The following CENPW variants were observed in gnomAD, a reference collection of about 807,000 sequenced individuals.
CENPW encodes the protein centromere protein W.
In CENPW, 3 loss-of-function variants were observed where a neutral mutation model predicts 11.1. That is an observed-to-expected ratio of 0.27 (90% CI 0.12 to 0.70). The LOEUF (loss-of-function observed/expected upper bound fraction) is 0.70, where lower values mean the gene tolerates loss of function less well. Among genes scored for constraint, CENPW ranks in the 30% least tolerant of loss-of-function variants. The probability of loss-of-function intolerance (pLI) is 0.77; values close to 1 mark genes in which losing one functional copy is unlikely to be tolerated. For missense variants in CENPW, 100 were observed against 105.6 expected, an observed-to-expected ratio of 0.95 and a Z score of 0.23; for synonymous variants, 38 against 42.0, an observed-to-expected ratio of 0.91 and a Z score of 0.37.
chr6:126,461,705 A>G, the CENPW span, among the ~76,000 whole-genome samples: 2 of 152,068 alleles, frequency 1.3e-5, no homozygotes, highest in East Asian at 1.9e-4. Flanking sequence ...CACATTTTCT[A>G]TTATGTAAGG....
intron 2 of CENPW, among the ~76,000 whole-genome samples, chr6:126,347,555 G>T (rs1406554053): frequency 6.6e-6 from 1 of 152,044 alleles, no homozygotes; most frequent in African/African-American, 2.4e-5. Context: ...GTAGGACAGA[G>T]AAGTACTAGT....
chr6:126,381,666 G>A, the CENPW span, among the ~76,000 whole-genome samples: 1 of 152,104 alleles, frequency 6.6e-6, no homozygotes, highest in East Asian at 1.9e-4. Flanking sequence ...TTGCCGCACT[G>A]CTGCTGCTGC....
chr6:126,407,903 G>T, the CENPW span, among the ~76,000 whole-genome samples: 2 of 151,932 alleles, frequency 1.3e-5, no homozygotes, highest in African/African-American at 4.8e-5. Flanking sequence ...CTTATGATAG[G>T]TTTTTTGCTA....
chr6:126,415,688 C>G, the CENPW span, among the ~76,000 whole-genome samples: 1 of 152,134 alleles, frequency 6.6e-6, no homozygotes, highest in Non-Finnish European at 1.5e-5. Context: ...GTGAACAAGT[C>G]TCACAAGATC....
the CENPW span, among the ~76,000 whole-genome samples, chr6:126,390,945 T>G: frequency 6.6e-6 from 1 of 151,968 alleles, no homozygotes; most frequent in South Asian, 2.1e-4. Flanking sequence ...GGAGTGAAGA[T>G]ATCTCTTCAA....
At chr6:126,379,807 G>A in the CENPW span, among the ~76,000 whole-genome samples, 11 of 152,230 alleles carry the variant, frequency 7.2e-5, no homozygotes, top group African/African-American at 2.2e-4. Flanking sequence ...AAAATCAAAC[G>A]AATTAAAGTA....
chr6:126,415,183 G>A, the CENPW span, among the ~76,000 whole-genome samples: 1 of 151,446 alleles, frequency 6.6e-6, no homozygotes, highest in Non-Finnish European at 1.5e-5. Flanking sequence ...AAGGGGTTGA[G>A]TATTCATTAT....
chr6:126,408,832 TC>T, the CENPW span, among the ~76,000 whole-genome samples: 4 of 152,132 alleles, frequency 2.6e-5, no homozygotes, highest in Non-Finnish European at 4.4e-5. Context: ...TTTTTTTGTT[TC>T]TAATTTATTT....
chr6:126,418,978 G>A, the CENPW span, among the ~76,000 whole-genome samples: 1 of 151,824 alleles, frequency 6.6e-6, no homozygotes, highest in Non-Finnish European at 1.5e-5. Flanking sequence ...TATACTTAAT[G>A]TAAATGATGA....
chr6:126,437,736 G>T, the CENPW span, among the ~76,000 whole-genome samples: 2 of 151,538 alleles, frequency 1.3e-5, no homozygotes, highest in East Asian at 3.9e-4. Context: ...TTTTGGTTTT[G>T]TTCTACTCTC....
chr6:126,468,965 GC>G, the CENPW span, among the ~76,000 whole-genome samples: 2 of 151,996 alleles, frequency 1.3e-5, no homozygotes, highest in African/African-American at 4.8e-5. Flanking sequence ...ACCACGCCTG[GC>G]TAATTTTTGT....
the CENPW span, among the ~76,000 whole-genome samples, chr6:126,472,687 A>C: frequency 1.3e-5 from 2 of 152,194 alleles, no homozygotes; most frequent in Non-Finnish European, 2.9e-5. Flanking sequence ...AGTAGACTAT[A>C]TGGTAAGTGC....
the CENPW span, among the ~76,000 whole-genome samples, chr6:126,377,421 A>G: frequency 2.6e-5 from 4 of 152,236 alleles, no homozygotes; most frequent in Non-Finnish European, 4.4e-5. Context: ...TTGGCAAAAT[A>G]TAGTGGCAGA....
the CENPW span, among the ~76,000 whole-genome samples, chr6:126,403,110 T>G: frequency 6.6e-6 from 1 of 152,088 alleles, no homozygotes; most frequent in Non-Finnish European, 1.5e-5. Flanking sequence ...AGATGACAAA[T>G]TTAATAAATA....
chr6:126,457,101 T>C, the CENPW span, among the ~76,000 whole-genome samples: 1 of 151,516 alleles, frequency 6.6e-6, no homozygotes, highest in Non-Finnish European at 1.5e-5. Context: ...GGTGGTAATG[T>C]AAATTAGTTC....
chr6:126,369,604 G>A, the CENPW span, among the ~76,000 whole-genome samples: 1 of 152,106 alleles, frequency 6.6e-6, no homozygotes, highest in Admixed American at 6.5e-5. Context: ...CATGTCCTTA[G>A]CCCACTTTTT....
chr6:126,385,699 A>G, the CENPW span, among the ~76,000 whole-genome samples: 2 of 152,036 alleles, frequency 1.3e-5, no homozygotes, highest in African/African-American at 4.8e-5. Flanking sequence ...TTCTTATGAG[A>G]TCTGACAGTT....
At chr6:126,374,765 A>G in the CENPW span, among the ~76,000 whole-genome samples, 2 of 152,222 alleles carry the variant, frequency 1.3e-5, no homozygotes, top group African/African-American at 4.8e-5. Flanking sequence ...AGTATATAAT[A>G]AATAATTCCA....
the CENPW span, among the ~76,000 whole-genome samples, chr6:126,370,579 T>A: frequency 6.6e-6 from 1 of 152,178 alleles, no homozygotes; most frequent in Non-Finnish European, 1.5e-5. Flanking sequence ...CATGTTGGTG[T>A]GTAGCAGAGC....
Sources: gnomAD v4.1 joint callset for allele counts (sites outside exome capture counted in the v4.1 genomes callset) on GRCh38, gnomAD v4.1.1 for gene constraint, MANE v1.5 for transcripts, NCBI Gene and HGNC (gene_info 2026-07-23, HGNC 2026-07-21) for gene names.